The following FIG4 variants were observed in gnomAD, a reference collection of about 807,000 sequenced individuals.
The protein encoded by FIG4 is polyphosphoinositide phosphatase.
Under a neutral mutation model 118.6 loss-of-function variants are expected in FIG4, and 112 were observed. That is an observed-to-expected ratio of 0.94 (90% confidence interval 0.81 to 1.11). FIG4 has a LOEUF of 1.11. Among genes scored for constraint, FIG4 ranks in the 50% least tolerant of loss-of-function variants. The pLI, the probability that FIG4 is intolerant of heterozygous loss-of-function variation, is 0.00. For synonymous variants in FIG4, 369 were observed against 381.2 expected, an observed-to-expected ratio of 0.97 and a Z score of 0.37; for missense variants, 969 against 1,111.7, an observed-to-expected ratio of 0.87 and a Z score of 1.83.
At chr6:109,710,039 G>C (rs2128380260) in intron 1 of FIG4, among the ~76,000 whole-genome samples, 1 of 152,286 alleles carries the variant, frequency 6.6e-6, no homozygotes, top group African/African-American at 2.4e-5. Context: ...TCTTGTGCCA[G>C]TTTTCAAGGG....
chr6:109,817,447 C>A (rs1778891412), intron 22 of FIG4, among the ~76,000 whole-genome samples: 1 of 152,048 alleles, frequency 6.6e-6, no homozygotes. Context: ...AAATTGCATT[C>A]TGAATTGGAA....
In FIG4 at chr6:109,727,930, C is replaced by T. The variant is rs550616977; in HGVS notation, c.446+665C>T. ...CAAAAGACTGTTCCAGATTTTTAAA[C>T]AGACGTGACAACTAAATGCAGATTT... On this transcript the variant is annotated intron_variant, in intron 4 of 22. Transcript: ENST00000230124. 2.0e-5 allele frequency among the ~76,000 whole-genome samples: 3 copies of T among 152,264 alleles called. No individual in the cohort carries two copies. In the East Asian group the frequency reaches 5.8e-4, roughly 29 times the overall value.
At chr6:109,693,489 T>G (rs1774612802) in intron 1 of FIG4, among the ~76,000 whole-genome samples, 1 of 152,118 alleles carries the variant, frequency 6.6e-6, no homozygotes, top group Non-Finnish European at 1.5e-5. Context: ...CTGTGACCCC[T>G]CTCAACTGCC....
chr6:109,749,504 C>G (rs1225729785), intron 10 of FIG4, among the ~76,000 whole-genome samples: 1 of 151,116 alleles, frequency 6.6e-6, no homozygotes, highest in African/African-American at 2.4e-5. Context: ...AAATTATTGC[C>G]AAAGTGTTAA....
intron 10 of FIG4, among the ~76,000 whole-genome samples, chr6:109,755,676 C>CT (rs1174585632): frequency 2.8e-4 from 42 of 152,108 alleles, no homozygotes; most frequent in Non-Finnish European, 4.7e-4. Context: ...GAATTGATCC[C>CT]TTACCATTAT....
intron 3 of FIG4, among the ~76,000 whole-genome samples, chr6:109,720,755 C>G (rs1171885447): frequency 6.6e-6 from 1 of 152,182 alleles, no homozygotes; most frequent in Non-Finnish European, 1.5e-5. Flanking sequence ...AGCTCATGGA[C>G]CAGCACTGGT....
intron 16 of FIG4, among the ~76,000 whole-genome samples, chr6:109,782,130 G>T (rs898591802): frequency 6.6e-6 from 1 of 152,136 alleles, no homozygotes; most frequent in South Asian, 2.1e-4. Context: ...AAAGAAAAGA[G>T]AATCTGACTT....
chr6:109,699,973 G>A (rs1021309829), intron 1 of FIG4, among the ~76,000 whole-genome samples: 1 of 152,152 alleles, frequency 6.6e-6, no homozygotes, highest in African/African-American at 2.4e-5. Flanking sequence ...CACACACAAT[G>A]GAAGGAGCAA....
At chr6:109,738,689 G>T (rs1388654379) in intron 7 of FIG4, among the ~76,000 whole-genome samples, 1 of 152,210 alleles carries the variant, frequency 6.6e-6, no homozygotes, top group Non-Finnish European at 1.5e-5. Flanking sequence ...ATGTGATATA[G>T]GTAATAAGTG....
At chr6:109,794,646 C>T (rs918531975) in intron 21 of FIG4, among the ~76,000 whole-genome samples, 1 of 152,226 alleles carries the variant, frequency 6.6e-6, no homozygotes, top group Non-Finnish European at 1.5e-5. Flanking sequence ...TTTCTTAGTG[C>T]CTCCTCTGAT....
At chr6:109,692,117 C>T (rs1293072376) in intron 1 of FIG4, among the ~76,000 whole-genome samples, 1 of 152,054 alleles carries the variant, frequency 6.6e-6, no homozygotes, top group Non-Finnish European at 1.5e-5. Flanking sequence ...CTTTGAATGG[C>T]CATGTAAATA....
chr6:109,723,874 G>A (rs1033944165), intron 3 of FIG4, among the ~76,000 whole-genome samples: 1 of 152,202 alleles, frequency 6.6e-6, no homozygotes, highest in Admixed American at 6.5e-5. Context: ...TGGAGTAGAT[G>A]TTCAGAGACA....
intron 17 of FIG4, 126 bp from the exon 18 acceptor site, chr6:109,786,176 C>T (rs561527981): frequency 2.6e-6 from 2 of 755,498 alleles, no homozygotes; most frequent in African/African-American, 3.5e-5. Flanking sequence ...AGGAGCTTAC[C>T]CTCGGTCAGG....
At position 109,692,696 on chromosome 6, in the gene FIG4, CT is replaced by C. The variant is rs879426050; in HGVS notation, c.66+1207del. Among the ~76,000 whole-genome samples the C allele has an allele frequency of 1.1e-3, 156 of 147,060 alleles. 1 individual carries two copies. The highest frequency in any genetic ancestry group is 1.6e-3 in the East Asian group (8 of 5,082). ...TTTCCCTCATTAGAAACATAAATAACTTTTTTTTTTTTCCCTTTGAGACAGA... is the reference window on the plus strand; with the variant it reads ...TTTCCCTCATTAGAAACATAAATAACTTTTTTTTTTTCCCTTTGAGACAGA... On this transcript the variant is annotated intron_variant, in intron 1 of 22. Transcript: ENST00000230124.
chr6:109,817,440 T>C (rs373013925), intron 22 of FIG4, among the ~76,000 whole-genome samples: 16 of 152,154 alleles, frequency 1.1e-4, no homozygotes, highest in African/African-American at 3.9e-4. Context: ...TGTTTATAAA[T>C]TGCATTCTGA....
At position 109,735,292 on chromosome 6, in the gene FIG4, G is replaced by A. The variant is rs529048339; in HGVS notation, c.640G>A (p.Gly214Arg). 1.3e-4 allele frequency: 209 copies of A among 1,613,060 alleles called. 2 individuals carry two copies. In the South Asian group the frequency reaches 2.2e-3, roughly 17 times the overall value. The change falls in exon 6 of 23, where the codon GGA (glycine) becomes AGA (arginine). Residue 214 changes from glycine (G) to arginine (R), a missense_variant. Transcript: ENST00000230124. Reference protein sequence around the residue: ...FEDEGLITQGGSGVFGICSEP... With the variant: ...FEDEGLITQGRSGVFGICSEP... ...AGATGAAGGATTAATTACACAAGGT[G>A]GAAGCGGTAGGTGGTCTTGATATAT...
chr6:109,790,932 G>A (rs1778117352), intron 19 of FIG4, among the ~76,000 whole-genome samples: 2 of 152,138 alleles, frequency 1.3e-5, no homozygotes, highest in African/African-American at 4.8e-5. Context: ...GATACACTAT[G>A]ATTGATAAAA....
At chr6:109,707,906 AATTC>A (rs1461662000) in intron 1 of FIG4, among the ~76,000 whole-genome samples, 11 of 152,004 alleles carry the variant, frequency 7.2e-5, no homozygotes, top group Admixed American at 3.3e-4. Flanking sequence ...ATTTTAGAAT[AATTC>A]ATTTCATTTA....
chr6:109,743,149 T>G lies in FIG4; in HGVS notation c.916T>G (p.Cys306Gly). ...TGAAGTGGAGACTGAACAAATACTCTGCGATGCTTCTGTGATGTCTTTCAC... is the reference window on the plus strand; with the variant it reads ...TGAAGTGGAGACTGAACAAATACTCGGCGATGCTTCTGTGATGTCTTTCAC... Reference protein sequence around the residue: ...ANEVETEQILCDASVMSFTAG... With the variant: ...ANEVETEQILGDASVMSFTAG... The change falls in exon 9 of 23, where the codon TGC (cysteine) becomes GGC (glycine). Residue 306 changes from cysteine (C) to glycine (G), a missense_variant. Cys to Gly is a radical substitution (Grantham distance 159, BLOSUM62 -3). Around this residue, in one of 3 missense-constraint regions of FIG4, gnomAD observed 393 missense variants for 409.4 expected, o/e 0.96. Coordinates refer to ENST00000230124, the MANE Select transcript of FIG4 (RefSeq NM_014845.6). 1 of 1,613,134 alleles carries G rather than the reference T, an allele frequency of 6.2e-7. No individual in the cohort carries two copies. Among genetic ancestry groups the G allele is most frequent in the Middle Eastern group, 1.7e-4 (1 of 6,052 alleles).
Sources: gnomAD v4.1 joint callset for allele counts (sites outside exome capture counted in the v4.1 genomes callset) on GRCh38, gnomAD v4.1.1 for gene constraint, gnomAD v4.1.1 regional missense constraint, MANE v1.5 for transcripts, NCBI Gene and HGNC (gene_info 2026-07-23, HGNC 2026-07-21) for gene names.